Variants in ALMS1 observed in about 807,000 individuals in gnomAD.
The protein encoded by ALMS1 is centrosome-associated protein ALMS1.
Under a neutral mutation model 352.2 loss-of-function variants are expected in ALMS1, and 271 were observed. That is an observed-to-expected ratio of 0.77 (90% CI 0.70 to 0.85). ALMS1 has a LOEUF of 0.85. Among genes scored for constraint, ALMS1 ranks in the 40% least tolerant of loss-of-function variants. ALMS1 has a pLI of 0.00. For missense variants in ALMS1, 5,445 were observed against 4,870.7 expected (o/e 1.12, Z -3.51); for synonymous variants, 1,865 against 1,761.2 (o/e 1.06, Z -1.48).
intron 1 of ALMS1, among the ~76,000 whole-genome samples, chr2:73,400,797 CT>C (rs1011826993): frequency 6.6e-6 from 1 of 151,212 alleles, no homozygotes; most frequent in Non-Finnish European, 1.5e-5. Context: ...TTTCTTTTTT[CT>C]TTTTTTTGAG....
chr2:73,396,026 C>T (rs147703696), intron 1 of ALMS1, among the ~76,000 whole-genome samples: 2 of 152,292 alleles, frequency 1.3e-5, no homozygotes, highest in East Asian at 1.9e-4. Flanking sequence ...GGGCCACATT[C>T]ATGGTCCTCG....
At chr2:73,604,556 A>G (rs1675773355) in intron 21 of ALMS1, among the ~76,000 whole-genome samples, 1 of 152,160 alleles carries the variant, frequency 6.6e-6, no homozygotes, top group Non-Finnish European at 1.5e-5. Context: ...TTCTGAAGTA[A>G]TGGTACTTTA....
chr2:73,562,141 TTGTA>T (rs3076386), intron 15 of ALMS1, among the ~76,000 whole-genome samples: 57 of 151,314 alleles, frequency 3.8e-4, no homozygotes, highest in East Asian at 1.8e-3. Context: ...GAACTTACAA[TTGTA>T]TGTATGTATG....
At chr2:73,569,433 A>G (rs1303609162) in intron 15 of ALMS1, among the ~76,000 whole-genome samples, 1 of 152,070 alleles carries the variant, frequency 6.6e-6, no homozygotes, top group Admixed American at 6.5e-5. Flanking sequence ...AATGTTATCT[A>G]TTTCCTTATT....
At chr2:73,479,863 C>T (rs935831164) in intron 9 of ALMS1, among the ~76,000 whole-genome samples, 3 of 152,080 alleles carry the variant, frequency 2.0e-5, no homozygotes, top group Non-Finnish European at 4.4e-5. Context: ...CCGTCTACTC[C>T]ATATCCTCAC....
chr2:73,543,511 C>T (rs1428217195), intron 12 of ALMS1, among the ~76,000 whole-genome samples: 3 of 152,094 alleles, frequency 2.0e-5, no homozygotes, highest in South Asian at 4.1e-4. Context: ...CCAAAATTGA[C>T]AAATGGGATC....
rs150901507 is a variant in ALMS1, at chr2:73,599,592, C to T, written c.11668+71C>T. ...GCTCTTAAACATGTAAGATACTCAA[C>T]CTCAATCATAATAAAGGACATGAAG... On this transcript the variant is annotated intron_variant, in intron 17 of 22. Transcript: ENST00000613296. 5.6e-5 allele frequency: 84 copies of T among 1,502,140 alleles called. No homozygotes were observed. In the East Asian group the frequency reaches 1.8e-3, roughly 33 times the overall value. 93.1% of individuals were successfully genotyped at this position (1,502,140 alleles called of 1,614,324 possible).
At chr2:73,508,915 T>G (rs1229337670) in intron 10 of ALMS1, among the ~76,000 whole-genome samples, 3 of 152,240 alleles carry the variant, frequency 2.0e-5, no homozygotes, top group Non-Finnish European at 4.4e-5. Context: ...TTGTATTGGG[T>G]GCATATATAT....
At chr2:73,416,051 TAGAG>T (rs1671176084) in intron 2 of ALMS1, among the ~76,000 whole-genome samples, 1 of 152,126 alleles carries the variant, frequency 6.6e-6, no homozygotes, top group African/African-American at 2.4e-5. Flanking sequence ...CTGTCACTAT[TAGAG>T]AGGAGTGAAC....
chr2:73,543,031 G>A (rs1171481036), intron 12 of ALMS1, among the ~76,000 whole-genome samples: 2 of 151,894 alleles, frequency 1.3e-5, no homozygotes, highest in African/African-American at 4.8e-5. Context: ...AGTTCATATG[G>A]AACAAAAAAA....
At chr2:73,593,892 G>A (rs148291577) in intron 16 of ALMS1, among the ~76,000 whole-genome samples, 6 of 152,278 alleles carry the variant, frequency 3.9e-5, no homozygotes, top group Admixed American at 1.3e-4. Context: ...TTCAAGGTTC[G>A]TACACCTCAT....
At chr2:73,435,727 GC>G (rs1671592506) in intron 7 of ALMS1, among the ~76,000 whole-genome samples, 1 of 151,868 alleles carries the variant, frequency 6.6e-6, no homozygotes, top group Non-Finnish European at 1.5e-5. Flanking sequence ...CTGTTGTGAG[GC>G]CCACAGGTGT....
chr2:73,408,106 C>G (rs1446515853), intron 1 of ALMS1, among the ~76,000 whole-genome samples: 1 of 152,194 alleles, frequency 6.6e-6, no homozygotes, highest in Non-Finnish European at 1.5e-5. Context: ...GAACCAGTCC[C>G]TGAACCAGTG....
chr2:73,438,856 T>C (rs1371782454), intron 7 of ALMS1, among the ~76,000 whole-genome samples: 1 of 152,190 alleles, frequency 6.6e-6, no homozygotes, highest in Non-Finnish European at 1.5e-5. Context: ...TGCACGAACA[T>C]TTAGGATTGC....
intron 9 of ALMS1, among the ~76,000 whole-genome samples, chr2:73,480,111 ACATGTGCACATTGTG>A (rs1229193183): frequency 6.6e-6 from 1 of 151,494 alleles, no homozygotes; most frequent in East Asian, 1.9e-4. Context: ...GTTTTAGGGT[ACATGTGCACATTGTG>A]CAGGTTAGTT....
At chr2:73,430,841 C>G (rs1671485460) in intron 6 of ALMS1, among the ~76,000 whole-genome samples, 1 of 152,064 alleles carries the variant, frequency 6.6e-6, no homozygotes, top group Non-Finnish European at 1.5e-5. Context: ...GCACATTTCT[C>G]AGAACATACC....
intron 10 of ALMS1, among the ~76,000 whole-genome samples, chr2:73,515,135 G>A (rs1673529221): frequency 6.6e-6 from 1 of 152,036 alleles, no homozygotes; most frequent in South Asian, 2.1e-4. Flanking sequence ...TTCTTTTTAT[G>A]TTTGGCAGTT....
intron 16 of ALMS1, among the ~76,000 whole-genome samples, chr2:73,579,013 A>T (rs1232365022): frequency 6.7e-6 from 1 of 149,074 alleles, no homozygotes; most frequent in Non-Finnish European, 1.5e-5. Flanking sequence ...GTCTACTTGT[A>T]ACAAATTTAC....
Position 73,490,933 on chromosome 2 carries a change from G to T in ALMS1, c.8974G>T (p.Asp2992Tyr), listed in dbSNP as rs937731506. ...CCATTTTCCCCTTCCTCAAGGTCAG[G>T]ATTGTGTAGTGGAAAAGAATAATCA... ...KHHFPLPQGQ[D>Y]CVVEKNNQHK... The change falls in exon 10 of 23, where the codon GAT (aspartate) becomes TAT (tyrosine). Residue 2992 changes from aspartate (D) to tyrosine (Y), a missense_variant. Physicochemically the swap from Asp to Tyr is radical, Grantham distance 160 (BLOSUM62 -3). Transcript: ENST00000613296. 1.9e-6 allele frequency: 3 copies of T among 1,614,058 alleles called. No homozygotes were observed. In the African/African-American group the frequency reaches 4.0e-5, roughly 22 times the overall value.
Sources: gnomAD v4.1 joint callset for allele counts (sites outside exome capture counted in the v4.1 genomes callset) on GRCh38, gnomAD v4.1.1 for gene constraint, MANE v1.5 for transcripts, NCBI Gene and HGNC (gene_info 2026-07-23, HGNC 2026-07-21) for gene names.